COL26A1: variants seen among roughly 807,000 people sequenced by gnomAD.
The protein encoded by COL26A1 is collagen type XXVI alpha 1 chain.
Under a neutral mutation model 59.3 loss-of-function variants are expected in COL26A1, and 41 were observed. That is an observed-to-expected ratio of 0.69 (90% CI 0.54 to 0.90). COL26A1 has a LOEUF of 0.90. COL26A1 is among the 40% of genes least tolerant of loss of function. The probability of loss-of-function intolerance (pLI) is 0.00; values close to 1 mark genes in which losing one functional copy is unlikely to be tolerated. For synonymous variants in COL26A1, 266 were observed against 256.0 expected (o/e 1.04, Z -0.37); for missense variants, 612 against 602.3 (o/e 1.02, Z -0.17).
intron 4 of COL26A1, among the ~76,000 whole-genome samples, chr7:101,536,360 C>T (rs569740250): frequency 1.1e-4 from 17 of 152,334 alleles, no homozygotes; most frequent in African/African-American, 2.4e-4. Flanking sequence ...TGAGAGGCAG[C>T]GGCCTGGAGA....
At chr7:101,493,932 C>CAA (rs35060753) in intron 3 of COL26A1, among the ~76,000 whole-genome samples, 3 of 120,226 alleles carry the variant, frequency 2.5e-5, no homozygotes, top group Non-Finnish European at 1.8e-5. Context: ...GACTCTGTCT[C>CAA]AAAAAAAAAA....
intron 1 of COL26A1, among the ~76,000 whole-genome samples, chr7:101,401,809 C>G (rs1025397798): frequency 6.6e-6 from 1 of 151,988 alleles, no homozygotes; most frequent in Non-Finnish European, 1.5e-5. Context: ...GAGGGATGGA[C>G]CCTGCAGCAA....
rs138657470 is a variant in COL26A1, at chr7:101,419,920, C to A, written c.159-57C>A. 4.4e-6 allele frequency: 7 copies of A among 1,588,942 alleles called. No individual in the cohort carries two copies. In the South Asian group the frequency reaches 6.8e-5, roughly 15 times the overall value. ...CCCTGTCCAGCACGGCCCCCTGACCCGAAGTTGGCAGCTCTGGGAACAGGC... is the reference window on the plus strand; with the variant it reads ...CCCTGTCCAGCACGGCCCCCTGACCAGAAGTTGGCAGCTCTGGGAACAGGC... On this transcript the variant is annotated intron_variant, in intron 1 of 12. Transcript: ENST00000313669.
chr7:101,362,714 G>C (rs1394933926), upstream of COL26A1: 8 of 418,246 alleles, frequency 1.9e-5, no homozygotes, highest in Non-Finnish European at 3.0e-5. Flanking sequence ...GGGGTGTTAG[G>C]CTCCAGGGAC....
At chr7:101,521,392 C>T (rs1035462991) in intron 3 of COL26A1, among the ~76,000 whole-genome samples, 4 of 152,114 alleles carry the variant, frequency 2.6e-5, no homozygotes, top group African/African-American at 9.7e-5. Context: ...TGATCCCATC[C>T]AGGGTGCTAA....
intron 1 of COL26A1, among the ~76,000 whole-genome samples, chr7:101,375,270 T>G (rs1228277245): frequency 6.6e-6 from 1 of 152,068 alleles, no homozygotes; most frequent in Non-Finnish European, 1.5e-5. Context: ...CAAGTTAATA[T>G]TAATCAAGCG....
intron 3 of COL26A1, among the ~76,000 whole-genome samples, chr7:101,479,084 T>A (rs189482345): frequency 1.9e-4 from 29 of 152,370 alleles, no homozygotes; most frequent in Admixed American, 1.8e-3. Flanking sequence ...TGAATCCTTG[T>A]GCATGCGAGC....
At chr7:101,550,202 T>C in intron 9 of COL26A1, among the ~76,000 whole-genome samples, 1 of 152,240 alleles carries the variant, frequency 6.6e-6, no homozygotes, top group East Asian at 1.9e-4. Flanking sequence ...GGCTGACGCC[T>C]GTAATCCCAG....
intron 1 of COL26A1, among the ~76,000 whole-genome samples, chr7:101,365,889 C>T (rs561244898): frequency 7.2e-5 from 11 of 151,868 alleles, no homozygotes; most frequent in East Asian, 1.9e-4. Context: ...CCATGAAGAG[C>T]GGGAGCGAAT....
Position 101,547,164 on chromosome 7 carries a change from T to G in COL26A1, c.865T>G (p.Ser289Ala). The G allele has an allele frequency of 6.3e-7, 1 of 1,594,900 alleles. No individual in the cohort carries two copies. Among genetic ancestry groups the G allele is most frequent in the Non-Finnish European group, 8.5e-7 (1 of 1,172,366 alleles). ...CTCCGCTCTTCCCACAGATGGAGACTCAAGGCTGGCCTCTGCCATCGTGGA... is the reference window on the plus strand; with the variant it reads ...CTCCGCTCTTCCCACAGATGGAGACGCAAGGCTGGCCTCTGCCATCGTGGA... Reference protein sequence around the residue: ...QPPTDKDNGDSRLASAIVDTV... With the variant: ...QPPTDKDNGDARLASAIVDTV... The change falls in exon 8 of 13, where the codon TCA becomes GCA. Residue 289 changes from serine (S) to alanine (A), a missense_variant. Ser to Ala is a moderately conservative substitution (Grantham distance 99). Coordinates refer to ENST00000313669, the MANE Select transcript of COL26A1 (RefSeq NM_001278563.3).
chr7:101,363,740 G>C (rs1245864068), intron 1 of COL26A1, among the ~76,000 whole-genome samples: 1 of 152,052 alleles, frequency 6.6e-6, no homozygotes, highest in Non-Finnish European at 1.5e-5. Context: ...CTCGTTCCGG[G>C]CTCCGAGTAG....
intron 3 of COL26A1, among the ~76,000 whole-genome samples, chr7:101,450,471 G>A (rs1180968931): frequency 6.6e-6 from 1 of 152,096 alleles, no homozygotes; most frequent in Admixed American, 6.6e-5. Flanking sequence ...TGTGGCCTGC[G>A]TTAGCATAGA....
At chr7:101,540,537 T>TAA (rs369850957) in intron 5 of COL26A1, among the ~76,000 whole-genome samples, 4,765 of 119,048 alleles carry the variant, frequency 0.04, 147 homozygotes, top group Middle Eastern at 0.093. Flanking sequence ...AAATTCCGTC[T>TAA]AAAAAAAAAA....
intron 3 of COL26A1, among the ~76,000 whole-genome samples, chr7:101,527,390 C>T (rs973887442): frequency 6.6e-5 from 10 of 152,206 alleles, no homozygotes; most frequent in Admixed American, 2.0e-4. Context: ...TGCAGTGGCA[C>T]GATCTCGGCT....
intron 3 of COL26A1, among the ~76,000 whole-genome samples, chr7:101,525,788 A>G (rs140917331): frequency 0.02 from 3,047 of 152,174 alleles, 38 homozygotes; most frequent in Middle Eastern, 0.071. Context: ...GAGCCACTGC[A>G]CCTGGCACTT....
chr7:101,367,683 A>G (rs1001992882), intron 1 of COL26A1, among the ~76,000 whole-genome samples: 1 of 122,344 alleles, frequency 8.2e-6, no homozygotes, highest in Non-Finnish European at 2.0e-5. Flanking sequence ...AAAAAAAAAA[A>G]AAAAAGAAGA....
intron 3 of COL26A1, among the ~76,000 whole-genome samples, chr7:101,522,768 C>T (rs942390309): frequency 1.3e-5 from 2 of 151,892 alleles, no homozygotes; most frequent in African/African-American, 4.8e-5. Flanking sequence ...TACTCCCACC[C>T]GCAGTGTATG....
intron 2 of COL26A1, among the ~76,000 whole-genome samples, chr7:101,435,402 C>A (rs942806079): frequency 1.3e-5 from 2 of 152,170 alleles, no homozygotes; most frequent in Non-Finnish European, 2.9e-5. Context: ...GGGCCAACCC[C>A]CTCCCTGCTG....
chr7:101,533,153 GCTGGGGAGTCTGGGC>G lies in COL26A1; in HGVS notation c.447+19_447+33del. 1 of 1,594,844 alleles carries G rather than the reference GCTGGGGAGTCTGGGC, an allele frequency of 6.3e-7. No individual in the cohort carries two copies. The highest frequency in any genetic ancestry group is 8.5e-7 in the Non-Finnish European group (1 of 1,172,320). Reference sequence around the variant, plus strand: ...CACACTGGAGGCCAAGGTCAGTCGGGCTGGGGAGTCTGGGCCTGGGGAGCTGCCTGGGGACCTTGG... The same window carrying G: ...CACACTGGAGGCCAAGGTCAGTCGGGCTGGGGAGCTGCCTGGGGACCTTGG... On this transcript the variant is annotated intron_variant, in intron 4 of 12. Transcript: ENST00000313669.
Sources: allele counts gnomAD v4.1 joint callset (sites outside exome capture counted in the v4.1 genomes callset), GRCh38; gene constraint gnomAD v4.1.1; transcripts MANE v1.5; gene names NCBI Gene and HGNC (gene_info 2026-07-23, HGNC 2026-07-21).